The following MECR variants were observed in gnomAD, a reference collection of about 807,000 sequenced individuals.
MECR encodes the protein enoyl-[acyl-carrier-protein] reductase, mitochondrial.
A neutral mutation model predicts 49.1 loss-of-function variants in MECR; 37 were observed. That is an observed-to-expected ratio of 0.75 (90% CI 0.58 to 0.99). MECR has a LOEUF of 0.99. Among genes scored for constraint, MECR ranks in the 50% least tolerant of loss-of-function variants. The probability of loss-of-function intolerance (pLI) is 0.00; values close to 1 mark genes in which losing one functional copy is unlikely to be tolerated. For missense variants in MECR, 470 were observed against 479.6 expected (o/e 0.98, Z 0.19); for synonymous variants, 198 against 191.1 (o/e 1.04, Z -0.30).
At chr1:29,167,861 GTAT>G in the MECR span, among the ~76,000 whole-genome samples, 1 of 152,156 alleles carries the variant, frequency 6.6e-6, no homozygotes, top group Non-Finnish European at 1.5e-5. Flanking sequence ...TGTGAAGAAT[GTAT>G]TATTATTCTT....
the MECR span, chr1:29,169,207 T>G: frequency 4.4e-4 from 67 of 152,302 alleles, no homozygotes; most frequent in African/African-American, 1.6e-3. Flanking sequence ...GAAACTAACT[T>G]AGAGGAGTTG....
At chr1:29,170,351 A>C in the MECR span, 1 of 152,246 alleles carries the variant, frequency 6.6e-6, no homozygotes, top group Non-Finnish European at 1.5e-5. Context: ...TAAAGAAATA[A>C]AGGTTTACAC....
chr1:29,199,722 G>A (rs1396537650), intron 7 of MECR, among the ~76,000 whole-genome samples: 5 of 150,336 alleles, frequency 3.3e-5, no homozygotes, highest in African/African-American at 4.9e-5. Context: ...GGATTCAAAT[G>A]ATTCTCGTGA....
At chr1:29,216,850 G>T (rs1679527905) in intron 1 of MECR, 165 bp from the exon 2 acceptor site, 2 of 1,438,580 alleles carry the variant, frequency 1.4e-6, no homozygotes, top group Non-Finnish European at 1.8e-6. Context: ...AATCAACACA[G>T]GAGGCTGGGC....
the MECR span, chr1:29,171,308 C>T: frequency 0.68 from 102,915 of 150,318 alleles, 36,755 homozygotes; most frequent in Non-Finnish European, 0.8. Flanking sequence ...TGAACAAGCC[C>T]GGAAACCTGA....
chr1:29,205,118 G>T (rs1455469515), intron 4 of MECR, among the ~76,000 whole-genome samples: 1 of 152,232 alleles, frequency 6.6e-6, no homozygotes, highest in Non-Finnish European at 1.5e-5. Flanking sequence ...CTTAAACAAT[G>T]GGGTGTGAGA....
At chr1:29,168,126 T>G in the MECR span, among the ~76,000 whole-genome samples, 1 of 151,872 alleles carries the variant, frequency 6.6e-6, no homozygotes, top group African/African-American at 2.4e-5. Context: ...GCAATTCTTG[T>G]ACCTCAGCCT....
intron 1 of MECR, among the ~76,000 whole-genome samples, chr1:29,225,306 CA>C (rs1681780304): frequency 6.6e-6 from 1 of 152,130 alleles, no homozygotes; most frequent in South Asian, 2.1e-4. Flanking sequence ...GGGGTCTCTG[CA>C]CATGCAGGTT....
chr1:29,173,779 T>C, the MECR span, among the ~76,000 whole-genome samples: 1 of 151,982 alleles, frequency 6.6e-6, no homozygotes, highest in Non-Finnish European at 1.5e-5. Flanking sequence ...TTATGCTTGA[T>C]AGGCTAAATA....
chr1:29,171,488 T>C, the MECR span: 2 of 151,146 alleles, frequency 1.3e-5, no homozygotes, highest in Non-Finnish European at 2.9e-5. Flanking sequence ...AGTCACCTTA[T>C]CACCCCATGC....
chr1:29,172,565 TAC>T, the MECR span: 1 of 152,270 alleles, frequency 6.6e-6, no homozygotes, highest in Admixed American at 6.5e-5. Context: ...GTGCTGGAAT[TAC>T]AGACGTGAGC....
At chr1:29,175,228 C>T in the MECR span, among the ~76,000 whole-genome samples, 7 of 150,242 alleles carry the variant, frequency 4.7e-5, no homozygotes, top group Non-Finnish European at 7.4e-5. Flanking sequence ...GGCTGGCCAA[C>T]GTGGTGAAAC....
At chr1:29,226,910 A>T (rs1682207437) in intron 1 of MECR, among the ~76,000 whole-genome samples, 1 of 152,088 alleles carries the variant, frequency 6.6e-6, no homozygotes, top group East Asian at 1.9e-4. Context: ...CTTTCAGGAA[A>T]AAAAGAAGGC....
chr1:29,173,950 AG>A, the MECR span, among the ~76,000 whole-genome samples: 4 of 151,836 alleles, frequency 2.6e-5, no homozygotes, highest in African/African-American at 9.6e-5. Context: ...GCACTTTGGG[AG>A]GATGAGGTGG....
Position 29,193,981 on chromosome 1 carries a change from T to C in MECR, c.*41A>G, listed in dbSNP as rs750450250. ...AGGGGCCTGCACCCAGCCCCTCAGA[T>C]CCGCCTCCCCTCCCATGTCACTCCA... is the stretch of plus-strand genomic sequence containing the variant. On this transcript the variant is annotated 3_prime_UTR_variant, in exon 10 of 10. Coordinates refer to ENST00000263702, the MANE Select transcript of MECR (RefSeq NM_016011.5). The C allele has an allele frequency of 6.2e-7, 1 of 1,612,164 alleles. No individual in the cohort carries two copies. Among genetic ancestry groups the C allele is most frequent in the Admixed American group, 1.7e-5 (1 of 59,986 alleles).
chr1:29,210,266 C>T (rs1677656934), intron 3 of MECR, among the ~76,000 whole-genome samples: 1 of 152,164 alleles, frequency 6.6e-6, no homozygotes, highest in South Asian at 2.1e-4. Flanking sequence ...CCCATCTTGG[C>T]CTCCCAAAGT....
At chr1:29,181,937 C>A in the MECR span, 1 of 420,284 alleles carries the variant, frequency 2.4e-6, no homozygotes, top group Non-Finnish European at 4.1e-6. Context: ...CCCCGCCCTT[C>A]CCCGAGGCGG....
intron 1 of MECR, among the ~76,000 whole-genome samples, chr1:29,228,477 G>A (rs1007118731): frequency 1.3e-5 from 2 of 151,330 alleles, no homozygotes; most frequent in Non-Finnish European, 2.9e-5. Context: ...TCAGCCTCCC[G>A]AGTAGCTGGA....
At chr1:29,195,445 G>A (rs1205846510) in intron 9 of MECR, among the ~76,000 whole-genome samples, 1 of 152,184 alleles carries the variant, frequency 6.6e-6, no homozygotes, top group Non-Finnish European at 1.5e-5. Context: ...TGTTTACATC[G>A]TGCCTCATAC....
Sources: gnomAD v4.1 joint callset for allele counts (sites outside exome capture counted in the v4.1 genomes callset) on GRCh38, gnomAD v4.1.1 for gene constraint, MANE v1.5 for transcripts, NCBI Gene and HGNC (gene_info 2026-07-23, HGNC 2026-07-21) for gene names.